BIN1: variants seen among roughly 807,000 people sequenced by gnomAD.
The protein encoded by BIN1 is bridging integrator 1.
Under a neutral mutation model 82.0 loss-of-function variants are expected in BIN1, and 53 were observed. That is an observed-to-expected ratio of 0.65 (90% confidence interval 0.52 to 0.81). BIN1 has a LOEUF of 0.81. BIN1 is among the 40% of genes least tolerant of loss of function. BIN1 has a pLI of 0.00. For synonymous variants in BIN1, 302 were observed against 328.0 expected (o/e 0.92, Z 0.86); for missense variants, 642 against 784.4 (o/e 0.82, Z 2.17).
intron 18 of BIN1, among the ~76,000 whole-genome samples, chr2:127,049,920 A>G (rs750802230): frequency 6.6e-6 from 1 of 152,232 alleles, no homozygotes; most frequent in Non-Finnish European, 1.5e-5. Flanking sequence ...CACAGCTGGG[A>G]AGCCCATGGC....
At position 127,106,838 on chromosome 2, in the gene BIN1, G is replaced by A. The variant is rs746694159; in HGVS notation, c.84+22C>T. 6 of 1,583,800 alleles carry A rather than the reference G, an allele frequency of 3.8e-6. No individual in the cohort carries two copies. In the East Asian group the frequency reaches 9.4e-5, roughly 25 times the overall value. On this transcript the variant is annotated intron_variant, in intron 1 of 18. Transcript: ENST00000316724. ...CCGCGGCGGCTGGGACTCCGCGGCT[G>A]CTGGGGCTCCGGCTCGCTCACCTTC...
intron 1 of BIN1, among the ~76,000 whole-genome samples, chr2:127,105,502 C>A (rs1013291629): frequency 6.8e-6 from 1 of 146,592 alleles, no homozygotes; most frequent in Non-Finnish European, 1.5e-5. Context: ...CCTCCTCCTC[C>A]TTCCCTGGGG....
chr2:127,079,426 G>C (rs556238279), intron 1 of BIN1, among the ~76,000 whole-genome samples: 5 of 152,350 alleles, frequency 3.3e-5, no homozygotes, highest in Admixed American at 2.6e-4. Flanking sequence ...TCACACAGGT[G>C]GGGGATGGGC....
At chr2:127,073,860 G>A (rs1027928386) in intron 2 of BIN1, among the ~76,000 whole-genome samples, 1 of 152,190 alleles carries the variant, frequency 6.6e-6, no homozygotes, top group African/African-American at 2.4e-5. Flanking sequence ...AAGGGCCTGT[G>A]CCAGGTGTGC....
rs115112451 is a variant in BIN1 at position 127,062,093 on chromosome 2, C to T, written c.857+22G>A. 0.012 allele frequency: 19,526 copies of T among 1,588,792 alleles called. 163 individuals are homozygous for T. The highest frequency in any genetic ancestry group is 0.026 in the Admixed American group (1,464 of 57,016). On this transcript the variant is annotated intron_variant, in intron 10 of 18. Coordinates refer to ENST00000316724, the MANE Select transcript of BIN1 (RefSeq NM_139343.3). ...CCTGCCGTGCACACAGTCAGGGGCGCCAGGGCTCTCCCCGCACGCACCTGG... is the reference window on the plus strand; with the variant it reads ...CCTGCCGTGCACACAGTCAGGGGCGTCAGGGCTCTCCCCGCACGCACCTGG...
intron 1 of BIN1, among the ~76,000 whole-genome samples, chr2:127,105,127 T>A (rs730471): frequency 0.64 from 96,928 of 152,062 alleles, 31,523 homozygotes; most frequent in African/African-American, 0.77. Flanking sequence ...GACACAGCCC[T>A]TGCCTACTGC....
At chr2:127,078,187 C>T (rs1686859550) in intron 1 of BIN1, among the ~76,000 whole-genome samples, 1 of 151,850 alleles carries the variant, frequency 6.6e-6, no homozygotes. Flanking sequence ...CTGCACTTCC[C>T]CCCCCAGCCA....
At chr2:127,051,461 G>T (rs758323456) in intron 15 of BIN1, among the ~76,000 whole-genome samples, 52 of 152,148 alleles carry the variant, frequency 3.4e-4, no homozygotes, top group Non-Finnish European at 6.2e-4. Flanking sequence ...GTAGGCGCTG[G>T]CAGGCCCAGG....
rs1377099769 is a variant in BIN1, at chr2:127,070,632, G to A, written c.236C>T (p.Ser79Phe). ...LASVKAMHEA[S>F]KKLNECLQEV... Reference sequence around the variant, plus strand: ...CTGCAGACACTCATTCAGCTTCTTGGAAGCCTCGTGCATGGCTGTGGGGCA... The same window carrying A: ...CTGCAGACACTCATTCAGCTTCTTGAAAGCCTCGTGCATGGCTGTGGGGCA... The change falls in exon 4 of 19, where the codon TCC (serine) becomes TTC (phenylalanine). Residue 79 changes from serine (S) to phenylalanine (F), a missense_variant. Ser to Phe is a radical substitution (Grantham distance 155, BLOSUM62 -2). Transcript: ENST00000316724. 2 of 1,613,960 alleles carry A rather than the reference G, an allele frequency of 1.2e-6. No homozygotes were observed. Among genetic ancestry groups the A allele is most frequent in the South Asian group, 1.1e-5 (1 of 91,090 alleles).
chr2:127,069,098 A>T (rs1212598768), intron 5 of BIN1, 67 bp from the exon 6 acceptor site: 1 of 1,475,342 alleles, frequency 6.8e-7, no homozygotes, highest in African/African-American at 1.4e-5. Flanking sequence ...GGTCCAGTGG[A>T]TCCTGGAGGG....
intron 14 of BIN1, chr2:127,053,063 C>A: frequency 5.2e-6 from 2 of 386,594 alleles, no homozygotes; most frequent in South Asian, 2.5e-5. Flanking sequence ...ACCTTCTACC[C>A]TGAGGCCCTC....
In BIN1 at chr2:127,057,323, G is replaced by T; in HGVS notation, c.1131+150C>A. On this transcript the variant is annotated intron_variant, in intron 12 of 18. Coordinates refer to ENST00000316724, the MANE Select transcript of BIN1 (RefSeq NM_139343.3). This position sits in a 1 kb window ranked among gnomAD's most constrained non-coding sequence, Gnocchi z 5.0. ...TGATGGAGGATGATGGAGGATGATG[G>T]ATGGAGGGAACAAAGGGTGAGAGAG... 1 of 1,109,684 alleles carries T rather than the reference G, an allele frequency of 9.0e-7. No individual in the cohort carries two copies. The highest frequency in any genetic ancestry group is 2.0e-5 in the South Asian group (1 of 50,656). 68.7% of individuals were successfully genotyped at this position (1,109,684 alleles called of 1,614,324 possible).
chr2:127,092,653 G>T (rs1430265288), intron 1 of BIN1, among the ~76,000 whole-genome samples: 1 of 152,216 alleles, frequency 6.6e-6, no homozygotes, highest in Non-Finnish European at 1.5e-5. Flanking sequence ...CAAGTCACCA[G>T]CCTTCCAGAG....
intron 5 of BIN1, among the ~76,000 whole-genome samples, chr2:127,069,758 A>ACACACG (rs1408600006): frequency 4.0e-5 from 6 of 151,328 alleles, no homozygotes; most frequent in African/African-American, 1.5e-4. Context: ...ACACACACAC[A>ACACACG]CACACACGTG....
intron 1 of BIN1, among the ~76,000 whole-genome samples, chr2:127,104,832 G>A (rs189347743): frequency 4.2e-4 from 64 of 152,326 alleles, no homozygotes; most frequent in Non-Finnish European, 7.5e-4. Flanking sequence ...GGAGGGGAAG[G>A]CTACTTTCAG....
At chr2:127,053,309 G>T (rs1391523837) in intron 14 of BIN1, 113 bp downstream of exon 14, 5 of 1,441,266 alleles carry the variant, frequency 3.5e-6, no homozygotes, top group Non-Finnish European at 4.8e-6. Flanking sequence ...TCCTGCGTGT[G>T]GGGGGTGTGT....
At chr2:127,088,187 G>C (rs918284004) in intron 1 of BIN1, among the ~76,000 whole-genome samples, 2 of 152,200 alleles carry the variant, frequency 1.3e-5, no homozygotes, top group African/African-American at 4.8e-5. Context: ...TCATAACTCA[G>C]TTCCTTGAGA....
In BIN1 at chr2:127,054,023, G is replaced by A. The variant is rs1281491829; in HGVS notation, c.1132-11C>T. 1 of 1,549,980 alleles carries A rather than the reference G, an allele frequency of 6.5e-7. No individual in the cohort carries two copies. Among genetic ancestry groups the A allele is most frequent in the South Asian group, 1.2e-5 (1 of 84,036 alleles). The stretch of plus-strand genomic sequence containing the variant: ...CCCCGGGGCCTCAAACTTGGCAGCA[G>A]CAGCAGCAGCAGAGGAGGAAGCAGT... On this transcript the variant is annotated splice_polypyrimidine_tract_variant and intron_variant, in intron 12 of 18. Coordinates refer to ENST00000316724, the MANE Select transcript of BIN1 (RefSeq NM_139343.3).
At chr2:127,061,017 C>T (rs775052953) in intron 10 of BIN1, among the ~76,000 whole-genome samples, 30 of 152,172 alleles carry the variant, frequency 2.0e-4, no homozygotes, top group Non-Finnish European at 3.4e-4. Context: ...GACTCCTGGG[C>T]CTCTACTGCC....
Sources: allele counts gnomAD v4.1 joint callset (sites outside exome capture counted in the v4.1 genomes callset), GRCh38; gene constraint gnomAD v4.1.1; non-coding constraint Gnocchi (gnomAD v3.1); transcripts MANE v1.5; gene names NCBI Gene and HGNC (gene_info 2026-07-23, HGNC 2026-07-21).